PCM1: variants seen among roughly 807,000 people sequenced by gnomAD.
PCM1 encodes pericentriolar material 1 protein.
PCM1 carries 157 observed loss-of-function variants against 241.9 expected under a neutral mutation model. That is an observed-to-expected ratio of 0.65 (90% confidence interval 0.57 to 0.74). The LOEUF (loss-of-function observed/expected upper bound fraction) is 0.74, where lower values mean the gene tolerates loss of function less well. Ranked by LOEUF, PCM1 falls within the 30% of genes least tolerant of loss-of-function variation. The pLI is 0.00. For missense variants in PCM1, 3,478 were observed against 2,360.1 expected, an observed-to-expected ratio of 1.47 and a Z score of -9.81; for synonymous variants, 1,085 against 784.9, an observed-to-expected ratio of 1.38 and a Z score of -6.39.
chr8:17,931,639 A>T (rs903872392), intron 2 of PCM1, among the ~76,000 whole-genome samples: 1 of 152,176 alleles, frequency 6.6e-6, no homozygotes, highest in Non-Finnish European at 1.5e-5. Flanking sequence ...GATAAAAATG[A>T]TATGTAATAA....
Position 17,963,038 on chromosome 8 carries a change from T to G in PCM1, c.2464-63T>G, listed in dbSNP as rs2073223297. The G allele has an allele frequency of 2.4e-6, 3 of 1,238,352 alleles. No individual in the cohort carries two copies. In the East Asian group the frequency reaches 7.7e-5, roughly 32 times the overall value. 76.7% of individuals were successfully genotyped at this position (1,238,352 alleles called of 1,614,324 possible). A position where few individuals can be genotyped will look rare whatever the true frequency, so the allele number is the denominator to read the frequency against. Reference sequence around the variant, plus strand: ...TGATACTGACAATACTAGTAGTCTTTTACTCTTTTAGGCTACAGCAAATCC... The same window carrying G: ...TGATACTGACAATACTAGTAGTCTTGTACTCTTTTAGGCTACAGCAAATCC... On this transcript the variant is annotated intron_variant, in intron 16 of 38. Transcript: ENST00000325083.
Position 17,980,638 on chromosome 8 carries a change from A to T in PCM1, c.3991A>T (p.Arg1331Trp). ...TAGCACATGTGAACCTTGCAAAAGT[A>T]GGAACAGACATTCAGCCCAGACTGA... ...MSSTCEPCKS[R>W]NRHSAQTEEP... The change falls in exon 24 of 39, where the codon AGG (arginine) becomes TGG (tryptophan). Residue 1331 changes from arginine (R) to tryptophan (W), a missense_variant. Coordinates refer to ENST00000325083, the MANE Select transcript of PCM1 (RefSeq NM_006197.4). 6.2e-7 allele frequency: 1 copy of T among 1,613,274 alleles called. No homozygotes were observed. The highest frequency in any genetic ancestry group is 8.5e-7 in the Non-Finnish European group (1 of 1,179,534).
At position 17,964,506 on chromosome 8, in the gene PCM1, A is replaced by C. The variant is rs576473793; in HGVS notation, c.2655-62A>C. On this transcript the variant is annotated intron_variant, in intron 17 of 38. Transcript: ENST00000325083. Reference sequence around the variant, plus strand: ...TTTGAAACAATGTCTGGCACATAGTAGGTGGCAGAGTATTTAACTTATCTC... The same window carrying C: ...TTTGAAACAATGTCTGGCACATAGTCGGTGGCAGAGTATTTAACTTATCTC... The C allele has an allele frequency of 1.0e-4, 126 of 1,221,798 alleles. 2 individuals are homozygous for C. The highest frequency in any genetic ancestry group is 7.9e-4 in the South Asian group (56 of 70,900). The allele number at this position is 1,221,798 out of a possible 1,614,324, so 75.7% of individuals were successfully genotyped here. A position where few individuals can be genotyped will look rare whatever the true frequency, so the allele number is the denominator to read the frequency against.
chr8:17,959,148 T>C (rs1390751709), intron 13 of PCM1, among the ~76,000 whole-genome samples: 1 of 152,200 alleles, frequency 6.6e-6, no homozygotes, highest in Admixed American at 6.5e-5. Context: ...TTTTGTGGTA[T>C]GTTTCTTTGT....
intron 18 of PCM1, among the ~76,000 whole-genome samples, chr8:17,965,480 A>G (rs1038788944): frequency 6.6e-6 from 1 of 152,244 alleles, no homozygotes; most frequent in East Asian, 1.9e-4. Context: ...TACCACAAGA[A>G]TGTTGTTCCA....
chr8:17,981,547 CA>C (rs1284064905), intron 24 of PCM1, among the ~76,000 whole-genome samples: 2 of 151,934 alleles, frequency 1.3e-5, no homozygotes, highest in Admixed American at 6.6e-5. Context: ...GAGAGAGAGG[CA>C]ATAACATGAC....
intron 36 of PCM1, among the ~76,000 whole-genome samples, chr8:18,016,455 G>A (rs1014414962): frequency 7.1e-6 from 1 of 140,006 alleles, no homozygotes; most frequent in Non-Finnish European, 1.6e-5. Flanking sequence ...TAAAGTTACA[G>A]TGGAGAAGTT....
At chr8:18,010,921 C>T (rs192848780) in intron 32 of PCM1, among the ~76,000 whole-genome samples, 112 of 152,140 alleles carry the variant, frequency 7.4e-4, no homozygotes, top group African/African-American at 2.3e-3. Flanking sequence ...GGTATTGAGC[C>T]GAGATCATGC....
At chr8:17,926,277 T>C (rs1443948469) in intron 2 of PCM1, 1 of 152,180 alleles carries the variant, frequency 6.6e-6, no homozygotes, top group Admixed American at 6.5e-5. Context: ...TTGGCCATTT[T>C]TTTCTGAAGG....
At position 18,009,630 on chromosome 8, in the gene PCM1, T is replaced by G; in HGVS notation, c.5046T>G (p.Asn1682Lys). 1 of 1,593,994 alleles carries G rather than the reference T, an allele frequency of 6.3e-7. No homozygotes were observed. Among genetic ancestry groups the G allele is most frequent in the Non-Finnish European group, 8.5e-7 (1 of 1,170,022 alleles). The change falls in exon 31 of 39, where the codon AAT becomes AAG. Residue 1682 changes from asparagine to lysine, a missense_variant. By Grantham distance (94) the Asn-to-Lys change is moderately conservative. Transcript: ENST00000325083. ...TAGAGATATCTGAAGTGTTGTTCAA[T>G]GAATTGGCTTTCTTTAAGCTTATGC... ...LLVEISEVLFNELAFFKLMQD... is the reference protein window; with the variant it reads ...LLVEISEVLFKELAFFKLMQD...
At chr8:17,969,368 G>A (rs2076108504) in intron 21 of PCM1, 2 of 461,776 alleles carry the variant, frequency 4.3e-6, no homozygotes, top group Non-Finnish European at 7.5e-6. Flanking sequence ...AAGGGAGTGG[G>A]GATTATTAAT....
chr8:17,986,023 C>T lies in PCM1; in HGVS notation c.4346C>T (p.Ser1449Phe), dbSNP rs573007963. Reference sequence around the variant, plus strand: ...GGAGAAAATGTAAAGTCAGTAAACTCTGGTACTTGGATAGCATCAAACTCA... The same window carrying T: ...GGAGAAAATGTAAAGTCAGTAAACTTTGGTACTTGGATAGCATCAAACTCA... The part of the protein sequence containing the change: ...EKGENVKSVN[S>F]GTWIASNSEL... Residue 1449 changes from serine to phenylalanine, a missense_variant, in exon 26 of 39, where the codon TCT (serine) becomes TTT (phenylalanine). Ser to Phe is a radical substitution (Grantham distance 155). Transcript: ENST00000325083. 28 of 1,599,342 alleles carry T rather than the reference C, an allele frequency of 1.8e-5. No homozygotes were observed. The African/African-American group carries it at 2.1e-4, about 12-fold the overall frequency.
rs889876234 is a variant in PCM1 at position 17,942,450 on chromosome 8, C to T, written c.783+2589C>T. Among the ~76,000 whole-genome samples, 29 of 150,634 alleles carry T rather than the reference C, an allele frequency of 1.9e-4. No homozygotes were observed. The East Asian group carries it at 4.9e-3, about 25-fold the overall frequency. ...CAGCATGGGTGACAGAGTGAGACTGCGTCTCAAAAAAAAAATAATGAAATA... is the reference window on the plus strand; with the variant it reads ...CAGCATGGGTGACAGAGTGAGACTGTGTCTCAAAAAAAAAATAATGAAATA... On this transcript the variant is annotated intron_variant, in intron 6 of 38. Transcript: ENST00000325083.
At chr8:17,989,288 T>G (rs1399771103) in intron 26 of PCM1, among the ~76,000 whole-genome samples, 2 of 151,962 alleles carry the variant, frequency 1.3e-5, no homozygotes, top group East Asian at 3.8e-4. Flanking sequence ...GGAGATTGAC[T>G]GTAGAGGGTT....
Position 17,988,198 on chromosome 8 carries a change from G to A in PCM1, c.4411-1661G>A, listed in dbSNP as rs986793748. 3.5e-5 allele frequency among the ~76,000 whole-genome samples: 4 copies of A among 114,064 alleles called. No homozygotes were observed. In the East Asian group the frequency reaches 8.0e-4, roughly 23 times the overall value. The allele number at this position is 114,064 out of a possible 152,430, so 74.8% of individuals were successfully genotyped here. A position where few individuals can be genotyped will look rare whatever the true frequency, so the allele number is the denominator to read the frequency against. ...ACTTGAAGCACATCAAGTCTTACTT[G>A]AAACAGTAAAAAAAATGGTTTCCCT... On this transcript the variant is annotated intron_variant, in intron 26 of 38. Coordinates refer to ENST00000325083, the MANE Select transcript of PCM1 (RefSeq NM_006197.4).
intron 29 of PCM1, among the ~76,000 whole-genome samples, chr8:18,005,312 A>G (rs2090941691): frequency 6.6e-6 from 1 of 150,900 alleles, no homozygotes; most frequent in South Asian, 2.1e-4. Flanking sequence ...ACTCCTGCAT[A>G]GTATTTGACT....
intron 35 of PCM1, among the ~76,000 whole-genome samples, chr8:18,014,376 T>TTTAGAAA (rs1374183261): frequency 8.0e-4 from 105 of 130,638 alleles, no homozygotes; most frequent in Non-Finnish European, 1.7e-3. Context: ...TCAGGTGGAT[T>TTTAGAAA]TCAGGAATCT....
In PCM1 at chr8:18,025,461, G is replaced by A; in HGVS notation, c.5934+8G>A. 6.4e-7 allele frequency: 1 copy of A among 1,553,298 alleles called. No individual in the cohort carries two copies. The highest frequency in any genetic ancestry group is 8.8e-7 in the Non-Finnish European group (1 of 1,131,120). On this transcript the variant is annotated splice_region_variant and intron_variant, in intron 37 of 38. Coordinates refer to ENST00000325083, the MANE Select transcript of PCM1 (RefSeq NM_006197.4). Reference sequence around the variant, plus strand: ...CTGACAATATATTCAGAGGTATTTAGCTGTCTTTAATTAAACTTGTCTTTA... The same window carrying A: ...CTGACAATATATTCAGAGGTATTTAACTGTCTTTAATTAAACTTGTCTTTA...
intron 23 of PCM1, among the ~76,000 whole-genome samples, chr8:17,977,540 A>G (rs1337862260): frequency 6.6e-6 from 1 of 152,166 alleles, no homozygotes; most frequent in African/African-American, 2.4e-5. Context: ...TGTCAGGAGC[A>G]TGGTCAGATC....
Sources: gnomAD v4.1 joint callset for allele counts (sites outside exome capture counted in the v4.1 genomes callset) on GRCh38, gnomAD v4.1.1 for gene constraint, MANE v1.5 for transcripts, NCBI Gene and HGNC (gene_info 2026-07-23, HGNC 2026-07-21) for gene names.